Variants in EEFSEC observed in about 807,000 individuals in gnomAD.
EEFSEC encodes eukaryotic elongation factor, selenocysteine-tRNA specific, also known as selenocysteine-specific elongation factor.
A neutral mutation model predicts 42.1 loss-of-function variants in EEFSEC; 43 were observed. The observed-to-expected ratio is 1.02, with a 90% CI of 0.80 to 1.32. EEFSEC has a LOEUF of 1.32. EEFSEC is among the 40% of genes most tolerant of loss of function. The probability of loss-of-function intolerance (pLI) is 0.00; values close to 1 mark genes in which losing one functional copy is unlikely to be tolerated. For missense variants in EEFSEC, 745 were observed against 803.6 expected, an observed-to-expected ratio of 0.93 and a Z score of 0.88; for synonymous variants, 354 against 339.1, an observed-to-expected ratio of 1.04 and a Z score of -0.48.
intron 1 of EEFSEC, among the ~76,000 whole-genome samples, chr3:128,243,762 A>G (rs750710494): frequency 7.9e-5 from 12 of 151,706 alleles, no homozygotes; most frequent in Non-Finnish European, 1.5e-4. Context: ...TTAGATGGGA[A>G]GTGGGAGAGT....
intron 1 of EEFSEC, among the ~76,000 whole-genome samples, chr3:128,208,038 C>T (rs1414185447): frequency 6.6e-6 from 1 of 152,130 alleles, no homozygotes; most frequent in Non-Finnish European, 1.5e-5. Flanking sequence ...GATTTCTTGT[C>T]CCCACTGTTG....
chr3:128,222,006 C>T (rs1033433133), intron 1 of EEFSEC, among the ~76,000 whole-genome samples: 1 of 123,068 alleles, frequency 8.1e-6, no homozygotes, highest in African/African-American at 3.1e-5. Context: ...TAGTTTTATT[C>T]TTCGTGTGTT....
At chr3:128,182,310 T>C (rs2065416391) in intron 1 of EEFSEC, among the ~76,000 whole-genome samples, 1 of 128,812 alleles carries the variant, frequency 7.8e-6, no homozygotes, top group Admixed American at 7.6e-5. Flanking sequence ...TAAGTAACTA[T>C]CCAAAAAAAA....
At chr3:128,337,974 C>A (rs1189261476) in intron 4 of EEFSEC, among the ~76,000 whole-genome samples, 4 of 152,164 alleles carry the variant, frequency 2.6e-5, no homozygotes, top group Admixed American at 1.3e-4. Flanking sequence ...AGAAGAAATT[C>A]ATTGCAGCAT....
At chr3:128,259,658 G>A (rs546641919) in intron 2 of EEFSEC, among the ~76,000 whole-genome samples, 26 of 152,098 alleles carry the variant, frequency 1.7e-4, no homozygotes, top group Non-Finnish European at 2.6e-4. Context: ...CTCATTCTCT[G>A]TGCGCCACCA....
intron 1 of EEFSEC, among the ~76,000 whole-genome samples, chr3:128,230,195 G>A (rs1170745869): frequency 4.0e-5 from 6 of 150,342 alleles, no homozygotes; most frequent in South Asian, 2.1e-4. Context: ...GGCCCAGGCT[G>A]GAATACAGTG....
chr3:128,246,964 G>A lies in EEFSEC; in HGVS notation c.445G>A (p.Asp149Asn). 13 of 1,614,156 alleles carry A rather than the reference G, an allele frequency of 8.1e-6. No individual in the cohort carries two copies. The highest frequency in any genetic ancestry group is 1.1e-5 in the Non-Finnish European group (13 of 1,180,034). ...GCTGGTCGTGGTGCTGAACAAAATA[G>A]ACCTCTTACCTGAAGGAAAGAGACA... ...QKLVVVLNKIDLLPEGKRQAA... is the reference protein window; with the variant it reads ...QKLVVVLNKINLLPEGKRQAA... The change falls in exon 2 of 7, where the codon GAC (aspartate) becomes AAC (asparagine). Residue 149 changes from aspartate (D) to asparagine (N), a missense_variant. By Grantham distance (23) the Asp-to-Asn change is conservative. Transcript: ENST00000254730.
intron 1 of EEFSEC, among the ~76,000 whole-genome samples, chr3:128,162,456 A>G (rs141332562): frequency 6.6e-6 from 1 of 152,204 alleles, no homozygotes; most frequent in East Asian, 1.9e-4. Flanking sequence ...ACCCCACCTG[A>G]TCTCCCCATA....
At chr3:128,280,555 C>G (rs570342443) in intron 4 of EEFSEC, among the ~76,000 whole-genome samples, 2 of 152,138 alleles carry the variant, frequency 1.3e-5, no homozygotes, top group Non-Finnish European at 2.9e-5. Flanking sequence ...TGGAATGGGC[C>G]CCTCCTCCTG....
chr3:128,245,792 A>G (rs980220383), intron 1 of EEFSEC, among the ~76,000 whole-genome samples: 4 of 152,112 alleles, frequency 2.6e-5, no homozygotes, highest in African/African-American at 7.2e-5. Context: ...AGATTAAGTA[A>G]GCTGACCTAG....
intron 4 of EEFSEC, among the ~76,000 whole-genome samples, chr3:128,278,345 G>A (rs143491453): frequency 5.9e-5 from 9 of 152,346 alleles, no homozygotes; most frequent in African/African-American, 2.2e-4. Context: ...ACAGTGAAGG[G>A]GAGAGGCATA....
chr3:128,390,773 G>T (rs559526744), intron 6 of EEFSEC, among the ~76,000 whole-genome samples: 197 of 152,222 alleles, frequency 1.3e-3, no homozygotes, highest in African/African-American at 4.2e-3. Flanking sequence ...TGCACCACTC[G>T]GGCACCCACA....
In EEFSEC at chr3:128,320,922, G is replaced by GA. The variant is rs2067001131; in HGVS notation, c.787-20311_787-20310insA. On this transcript the variant is annotated intron_variant, in intron 4 of 6. Transcript: ENST00000254730. ...CACCCAAACTCTGGGCCCCAGTTTG[G>GA]TCACCTGTACAATGCAGGACATAAC... is the stretch of plus-strand genomic sequence containing the variant. 2.0e-5 allele frequency among the ~76,000 whole-genome samples: 3 copies of GA among 152,340 alleles called. No homozygotes were observed. In the South Asian group the frequency reaches 6.2e-4, roughly 32 times the overall value.
chr3:128,417,042 T>C, the EEFSEC span, among the ~76,000 whole-genome samples: 1 of 152,012 alleles, frequency 6.6e-6, no homozygotes, highest in Admixed American at 6.6e-5. This position sits in a 1 kb window ranked among gnomAD's most constrained non-coding sequence, Gnocchi z 4.3. Flanking sequence ...GTCCTGTTGC[T>C]TCACCTTCAA....
At chr3:128,349,790 G>A (rs561550102) in intron 5 of EEFSEC, among the ~76,000 whole-genome samples, 11 of 152,238 alleles carry the variant, frequency 7.2e-5, no homozygotes, top group Non-Finnish European at 1.5e-4. Flanking sequence ...TAGCATGTTA[G>A]CTGGCTGGCA....
intron 1 of EEFSEC, among the ~76,000 whole-genome samples, chr3:128,243,894 T>C (rs571848137): frequency 1.3e-4 from 20 of 152,320 alleles, no homozygotes; most frequent in Admixed American, 3.3e-4. Context: ...CTACCTGCTG[T>C]ATAACCATGA....
intron 5 of EEFSEC, among the ~76,000 whole-genome samples, chr3:128,355,933 A>G (rs1184355382): frequency 6.6e-6 from 1 of 152,250 alleles, no homozygotes; most frequent in Non-Finnish European, 1.5e-5. Context: ...GCCATGGGCC[A>G]CAGGGAACGC....
rs141829569 is a variant in EEFSEC at position 128,169,165 on chromosome 3, C to G, written c.316+15342C>G. ...ATAGGGACTAATGGATGTGGGGCAT[C>G]TACTTTAGTTTGGAGGCCAGGGAAG... is the stretch of plus-strand genomic sequence containing the variant. On this transcript the variant is annotated intron_variant, in intron 1 of 6. Coordinates refer to ENST00000254730, the MANE Select transcript of EEFSEC (RefSeq NM_021937.5). 5.9e-3 allele frequency among the ~76,000 whole-genome samples: 905 copies of G among 152,284 alleles called. 7 individuals carry two copies. The highest frequency in any genetic ancestry group is 9.3e-3 in the Non-Finnish European group (634 of 68,028).
intron 1 of EEFSEC, among the ~76,000 whole-genome samples, chr3:128,239,217 C>T (rs1297982803): frequency 1.3e-5 from 2 of 152,170 alleles, no homozygotes; most frequent in South Asian, 2.1e-4. Flanking sequence ...TGTTTGTATT[C>T]GCTCCATGCT....
Sources: gnomAD v4.1 joint callset for allele counts (sites outside exome capture counted in the v4.1 genomes callset) on GRCh38, gnomAD v4.1.1 for gene constraint, Gnocchi (gnomAD v3.1) non-coding constraint, MANE v1.5 for transcripts, NCBI Gene and HGNC (gene_info 2026-07-23, HGNC 2026-07-21) for gene names.